The following ZC3H4 variants were observed in gnomAD, a reference collection of about 807,000 sequenced individuals.
The protein encoded by ZC3H4 is zinc finger CCCH-type containing 4.
A neutral mutation model predicts 108.3 loss-of-function variants in ZC3H4; 13 were observed. The observed-to-expected ratio is 0.12, with a 90% CI of 0.08 to 0.19. The LOEUF (loss-of-function observed/expected upper bound fraction) is 0.19, where lower values mean the gene tolerates loss of function less well. Ranked by LOEUF, ZC3H4 falls within the 10% of genes least tolerant of loss-of-function variation. The probability of loss-of-function intolerance (pLI) is 1.00; values close to 1 mark genes in which losing one functional copy is unlikely to be tolerated. For missense variants in ZC3H4, 1,734 were observed against 1,838.8 expected (o/e 0.94, Z 1.04); for synonymous variants, 917 against 749.6 (o/e 1.22, Z -3.65).
rs762940554 is a variant in ZC3H4 at position 47,085,168 on chromosome 19, G to A, written c.995C>T (p.Ser332Phe). 18 of 1,612,846 alleles carry A rather than the reference G, an allele frequency of 1.1e-5. No individual in the cohort carries two copies. In the Admixed American group the frequency reaches 1.8e-4, roughly 16 times the overall value. ...RGLSRGRGRG[S>F]RGRGKGMGRG... Reference sequence around the variant, plus strand: ...ACCCATTCCTTTCCCTCGACCTCGGGAGCCCCTGCCACGGCCTCGACTTAG... The same window carrying A: ...ACCCATTCCTTTCCCTCGACCTCGGAAGCCCCTGCCACGGCCTCGACTTAG... Residue 332 changes from serine (S) to phenylalanine (F), a missense_variant, in exon 8 of 15, where the codon TCC becomes TTC. By Grantham distance (155) the Ser-to-Phe change is radical. This residue lies in a region of ZC3H4 where 403 missense variants were observed against 457.0 expected (regional missense o/e 0.88). Transcript: ENST00000253048.
intron 9 of ZC3H4, among the ~76,000 whole-genome samples, chr19:47,083,840 G>A (rs1341046080): frequency 6.6e-6 from 1 of 152,196 alleles, no homozygotes; most frequent in Non-Finnish European, 1.5e-5. Context: ...GGATACTGGG[G>A]TAAGAAGCTG....
At chr19:47,087,852 C>T (rs879702454) in intron 5 of ZC3H4, among the ~76,000 whole-genome samples, 10 of 151,782 alleles carry the variant, frequency 6.6e-5, no homozygotes, top group Middle Eastern at 3.2e-3. Flanking sequence ...CCAGCCTGAG[C>T]GACAGAGTGA....
intron 2 of ZC3H4, among the ~76,000 whole-genome samples, chr19:47,100,185 A>G (rs751152805): frequency 1.3e-5 from 2 of 152,216 alleles, no homozygotes; most frequent in African/African-American, 2.4e-5. Flanking sequence ...GGCTCATGCC[A>G]AAGAAAGGCC....
At chr19:47,092,741 A>G in intron 4 of ZC3H4, among the ~76,000 whole-genome samples, 1 of 151,996 alleles carries the variant, frequency 6.6e-6, no homozygotes, top group Non-Finnish European at 1.5e-5. Flanking sequence ...CGCTTGAACC[A>G]GAGAGGTGGA....
intron 9 of ZC3H4, 87 bp from the exon 10 acceptor site, chr19:47,082,382 G>C (rs557164816): frequency 2.2e-5 from 22 of 993,352 alleles, no homozygotes; most frequent in Admixed American, 5.6e-5. Flanking sequence ...TACTGTCACT[G>C]CTGGTGCATG....
At chr19:47,075,365 G>C (rs1016515877) in intron 11 of ZC3H4, among the ~76,000 whole-genome samples, 2 of 152,098 alleles carry the variant, frequency 1.3e-5, no homozygotes, top group Admixed American at 6.5e-5. Context: ...ACACTGCCAC[G>C]GGCTCACTTC....
chr19:47,064,658 G>A lies in ZC3H4; in HGVS notation c.*1698C>T, dbSNP rs145935609. The A allele has an allele frequency of 3.3e-5, 5 of 151,540 alleles. No homozygotes were observed. In the East Asian group the frequency reaches 5.8e-4, roughly 18 times the overall value. The allele number at this position is 151,540 out of a possible 1,614,324, so 9.4% of individuals were successfully genotyped here. ...TCATACTTATTTTACAAACACCAAG[G>A]GCTGTGCCCTCTGCTTCAAGGCCAA... On this transcript the variant is annotated 3_prime_UTR_variant, in exon 15 of 15. Transcript: ENST00000253048.
Position 47,072,756 on chromosome 19 carries a change from G to A in ZC3H4, c.1441-43C>T, listed in dbSNP as rs762732554. 1 of 1,606,716 alleles carries A rather than the reference G, an allele frequency of 6.2e-7. No homozygotes were observed. Among genetic ancestry groups the A allele is most frequent in the Non-Finnish European group, 8.5e-7 (1 of 1,178,328 alleles). On this transcript the variant is annotated intron_variant, in intron 11 of 14. Coordinates refer to ENST00000253048, the MANE Select transcript of ZC3H4 (RefSeq NM_015168.2). The surrounding 1 kb of genome is among the most constrained non-coding windows in gnomAD (Gnocchi z 5.6). ...CAAAAGAAGGTGTGGACGGGGTCAG[G>A]ATGGAAACGGACCTCTCCAGGTCTG...
intron 11 of ZC3H4, among the ~76,000 whole-genome samples, chr19:47,079,430 G>T (rs1737263388): frequency 7.0e-6 from 1 of 143,836 alleles, no homozygotes; most frequent in African/African-American, 2.6e-5. Flanking sequence ...AATGAATGAT[G>T]TGATTCTGTG....
In ZC3H4 at chr19:47,112,412, CG is replaced by C; in HGVS notation, c.161+11del. The C allele has an allele frequency of 8.1e-7, 1 of 1,234,094 alleles. No individual in the cohort carries two copies. Among genetic ancestry groups the C allele is most frequent in the Non-Finnish European group, 1.0e-6 (1 of 987,658 alleles). 76.4% of individuals were successfully genotyped at this position (1,234,094 alleles called of 1,614,324 possible). ...CCCGGGGACGCAGCCCCGGCCCAAC[CG>C]GGGGCCTGACCTGTCGTCAGGGAGC... On this transcript the variant is annotated intron_variant, in intron 2 of 14. Transcript: ENST00000253048.
At chr19:47,079,777 C>T (rs569736870) in intron 11 of ZC3H4, among the ~76,000 whole-genome samples, 1 of 152,328 alleles carries the variant, frequency 6.6e-6, no homozygotes, top group East Asian at 1.9e-4. Flanking sequence ...GTCCCAGCTA[C>T]TCGGGAGGCT....
rs765643692 is a variant in ZC3H4, at chr19:47,067,713, C to G, written c.2555G>C (p.Gly852Ala). ...AGCCAGCCGGCTTCCTGTGGGGTGT[C>G]CCTTCTGGAGGCGGGGGTCCCCCAG... ...SGLGDPRLQK[G>A]HPTGSRLADP... is the part of the protein sequence containing the mutation. The change falls in exon 15 of 15, where the codon GGA (glycine) becomes GCA (alanine). Residue 852 changes from glycine (G) to alanine (A), a missense_variant. Physicochemically the swap from Gly to Ala is moderately conservative, Grantham distance 60. Around this residue, in one of 9 missense-constraint regions of ZC3H4, gnomAD observed 540 missense variants for 484.1 expected, o/e 1.12. Coordinates refer to ENST00000253048, the MANE Select transcript of ZC3H4 (RefSeq NM_015168.2). This position sits in a 1 kb window ranked among gnomAD's most constrained non-coding sequence, Gnocchi z 6.4. The G allele has an allele frequency of 1.9e-6, 3 of 1,605,966 alleles. No homozygotes were observed. Among genetic ancestry groups the G allele is most frequent in the Non-Finnish European group, 2.5e-6 (3 of 1,177,976 alleles).
chr19:47,091,101 GCAACAA>G (rs112489192), intron 4 of ZC3H4, among the ~76,000 whole-genome samples: 21 of 151,668 alleles, frequency 1.4e-4, no homozygotes, highest in Admixed American at 3.9e-4. Context: ...ATGCAAAAAT[GCAACAA>G]CAACAACAAC....
rs1437224485 is a variant in ZC3H4 at position 47,112,466 on chromosome 19, G to A, written c.119C>T (p.Thr40Ile). ...GAGGCGGTGGTGGAGGAGGTGCGGG[G>A]TGGCCGGGCGGGCGTCGGGGGAACA... ...PPCSPDARPA[T>I]PHLLHHRLPL... Residue 40 changes from threonine to isoleucine, a missense_variant, in exon 2 of 15, where the codon ACC (threonine) becomes ATC (isoleucine). Around this residue, in one of 9 missense-constraint regions of ZC3H4, gnomAD observed 112 missense variants for 73.3 expected, o/e 1.53. Coordinates refer to ENST00000253048, the MANE Select transcript of ZC3H4 (RefSeq NM_015168.2). 4.1e-6 allele frequency: 5 copies of A among 1,219,210 alleles called. No homozygotes were observed. The highest frequency in any genetic ancestry group is 1.0e-6 in the Non-Finnish European group (1 of 969,916). 75.5% of individuals were successfully genotyped at this position (1,219,210 alleles called of 1,614,324 possible). A position where few individuals can be genotyped will look rare whatever the true frequency, so the allele number is the denominator to read the frequency against.
intron 5 of ZC3H4, among the ~76,000 whole-genome samples, chr19:47,087,038 G>A (rs576928836): frequency 6.6e-6 from 1 of 152,154 alleles, no homozygotes; most frequent in South Asian, 2.1e-4. Flanking sequence ...CACTCTCGGA[G>A]GCTGAGGTGG....
rs557352123 is a variant in ZC3H4 at position 47,093,986 on chromosome 19, C to A, written c.476G>T (p.Ser159Ile). The change falls in exon 4 of 15, where the codon AGC (serine) becomes ATC (isoleucine). Residue 159 changes from serine (S) to isoleucine (I), a missense_variant. This residue lies in a region of ZC3H4 where 403 missense variants were observed against 457.0 expected (regional missense o/e 0.88). Coordinates refer to ENST00000253048, the MANE Select transcript of ZC3H4 (RefSeq NM_015168.2). ...EKGHRKYREY[S>I]PPYAPSHQQY... ...GTCACTCACCGGCGCATATGGGGGG[C>A]TGTACTCTCTGTACTTGCGGTGACC... 91 of 1,614,110 alleles carry A rather than the reference C, an allele frequency of 5.6e-5. No homozygotes were observed. The South Asian group carries it at 9.7e-4, about 17-fold the overall frequency.
In ZC3H4 at chr19:47,071,906, G is replaced by A. The variant is rs149041592; in HGVS notation, c.2018C>T (p.Pro673Leu). 1.2e-6 allele frequency: 2 copies of A among 1,612,576 alleles called. No individual in the cohort carries two copies. The highest frequency in any genetic ancestry group is 8.5e-7 in the Non-Finnish European group (1 of 1,179,292). Residue 673 changes from proline to leucine, a missense_variant, in exon 13 of 15, where the codon CCC becomes CTC. Pro to Leu is a moderately conservative substitution (Grantham distance 98). This residue lies in a region of ZC3H4 where 540 missense variants were observed against 484.1 expected (regional missense o/e 1.12). Coordinates refer to ENST00000253048, the MANE Select transcript of ZC3H4 (RefSeq NM_015168.2). ...PMGPGGPPMMPYGPGDSPHSG... is the reference protein window; with the variant it reads ...PMGPGGPPMMLYGPGDSPHSG... ...ATGTGGGGAGTCTCCAGGGCCGTAG[G>A]GCATCATTGGAGGGCCGCCAGGGCC...
intron 11 of ZC3H4, among the ~76,000 whole-genome samples, chr19:47,079,098 C>T (rs1371337228): frequency 6.7e-6 from 1 of 148,990 alleles, no homozygotes; most frequent in Non-Finnish European, 1.5e-5. Context: ...GGCACGATCT[C>T]AGCTCACCGC....
chr19:47,104,055 A>ACG (rs2057938512), intron 2 of ZC3H4, among the ~76,000 whole-genome samples: 1 of 152,322 alleles, frequency 6.6e-6, no homozygotes, highest in Non-Finnish European at 1.5e-5. Context: ...GCAGTGGCTC[A>ACG]CGCCTGTAAT....
Sources: gnomAD v4.1 joint callset for allele counts (sites outside exome capture counted in the v4.1 genomes callset) on GRCh38, gnomAD v4.1.1 for gene constraint, gnomAD v4.1.1 regional missense constraint, Gnocchi (gnomAD v3.1) non-coding constraint, MANE v1.5 for transcripts, NCBI Gene and HGNC (gene_info 2026-07-23, HGNC 2026-07-21) for gene names.